ZRANB3: variants seen among roughly 807,000 people sequenced by gnomAD.
The protein encoded by ZRANB3 is DNA annealing helicase and endonuclease ZRANB3.
A neutral mutation model predicts 133.8 loss-of-function variants in ZRANB3; 125 were observed. That is an observed-to-expected ratio of 0.93 (90% CI 0.81 to 1.08). The LOEUF is 1.08. Among genes scored for constraint, ZRANB3 ranks in the 50% least tolerant of loss-of-function variants. ZRANB3 has a pLI of 0.00. For synonymous variants in ZRANB3, 387 were observed against 432.7 expected (o/e 0.89, Z 1.31); for missense variants, 1,229 against 1,275.5 (o/e 0.96, Z 0.56).
intron 2 of ZRANB3, among the ~76,000 whole-genome samples, chr2:135,458,257 C>T (rs1690612911): frequency 6.6e-6 from 1 of 152,026 alleles, no homozygotes; most frequent in Non-Finnish European, 1.5e-5. Context: ...TCTCTTTATG[C>T]CAGTACTTAT....
rs572403228 is a variant in ZRANB3, at chr2:135,244,377, G to A, written c.1540-13450C>T. On this transcript the variant is annotated intron_variant, in intron 12 of 20. Transcript: ENST00000264159. Reference sequence around the variant, plus strand: ...TCTCAGCACTTTGGGAGGCCAAGGCGGGCAGATCACTTGAGGTCAGGAGTT... The same window carrying A: ...TCTCAGCACTTTGGGAGGCCAAGGCAGGCAGATCACTTGAGGTCAGGAGTT... 2.1e-3 allele frequency among the ~76,000 whole-genome samples: 315 copies of A among 152,184 alleles called. 4 individuals carry two copies. The highest frequency in any genetic ancestry group is 3.7e-4 in the Non-Finnish European group (25 of 68,008).
chr2:135,402,294 T>C (rs953506916), intron 2 of ZRANB3, among the ~76,000 whole-genome samples: 2 of 142,124 alleles, frequency 1.4e-5, no homozygotes. Context: ...ATTCTTTCTC[T>C]CTTTTTTTTT....
intron 2 of ZRANB3, among the ~76,000 whole-genome samples, chr2:135,433,954 G>A (rs1335400095): frequency 1.3e-5 from 2 of 152,120 alleles, no homozygotes; most frequent in Admixed American, 6.5e-5. Flanking sequence ...TTGAGATAGC[G>A]CCACTGCACT....
intron 2 of ZRANB3, among the ~76,000 whole-genome samples, chr2:135,421,111 CT>C (rs1254057509): frequency 6.6e-6 from 1 of 152,104 alleles, no homozygotes; most frequent in Admixed American, 6.5e-5. Context: ...TGAAAAGCTG[CT>C]TTTTGAAGTC....
rs1363238190 is a variant in ZRANB3, at chr2:135,417,778, GC to G, written c.162-26959del. Among the ~76,000 whole-genome samples the G allele has an allele frequency of 2.0e-5, 3 of 152,294 alleles. No homozygotes were observed. The East Asian group carries it at 5.8e-4, about 29-fold the overall frequency. ...CATATACACCATGGAATACTATGCA[GC>G]CATAAAAAGTGATGAGTTCATGTCC... is the stretch of plus-strand genomic sequence containing the variant. On this transcript the variant is annotated intron_variant, in intron 2 of 20. Transcript: ENST00000264159.
intron 2 of ZRANB3, among the ~76,000 whole-genome samples, chr2:135,448,872 G>GA (rs762183119): frequency 1.3e-5 from 2 of 152,176 alleles, no homozygotes; most frequent in South Asian, 4.1e-4. Flanking sequence ...AAAAATGGCT[G>GA]CACCAATACT....
At chr2:135,330,085 C>A (rs1410834297) in intron 6 of ZRANB3, among the ~76,000 whole-genome samples, 1 of 152,126 alleles carries the variant, frequency 6.6e-6, no homozygotes, top group Non-Finnish European at 1.5e-5. Context: ...GAACTTCCAA[C>A]AATATGTTGA....
chr2:135,217,493 G>A lies in ZRANB3; in HGVS notation c.2467C>T (p.Gln823Ter), dbSNP rs751010365. The A allele has an allele frequency of 6.2e-7, 1 of 1,611,022 alleles. No individual in the cohort carries two copies. The highest frequency in any genetic ancestry group is 1.1e-5 in the South Asian group (1 of 89,968). ...PILALEEITK[Q>*]QTKQNCTKRY... Reference sequence around the variant, plus strand: ...TTGGTGCAATTTTGTTTGGTTTGTTGCTTTGTGATCTCTTCCAAAGCAAGA... The same window carrying A: ...TTGGTGCAATTTTGTTTGGTTTGTTACTTTGTGATCTCTTCCAAAGCAAGA... The change falls in exon 17 of 21, where the codon CAA becomes TAA. Residue 823 changes from glutamine to a stop codon, truncating the protein, a stop_gained. Transcript: ENST00000264159. LOFTEE classifies it high-confidence loss of function.
chr2:135,503,606 T>C (rs1204578327), intron 2 of ZRANB3, among the ~76,000 whole-genome samples: 1 of 152,112 alleles, frequency 6.6e-6, no homozygotes, highest in Non-Finnish European at 1.5e-5. Flanking sequence ...CAGACAGTAG[T>C]ATAAGGTACT....
chr2:135,438,645 C>T (rs891375616), intron 2 of ZRANB3, among the ~76,000 whole-genome samples: 2 of 152,212 alleles, frequency 1.3e-5, no homozygotes, highest in African/African-American at 4.8e-5. Context: ...CCCAATCCTA[C>T]TCCTGAAGAC....
At chr2:135,245,947 A>AAAAAAAAAAAAAAAAAAAAAG (rs1553461041) in intron 12 of ZRANB3, among the ~76,000 whole-genome samples, 1 of 145,382 alleles carries the variant, frequency 6.9e-6, no homozygotes, top group African/African-American at 2.6e-5. Context: ...AAAAAAAAAA[A>AAAAAAAAAAAAAAAAAAAAAG]AGAGACAGGG....
At position 135,362,066 on chromosome 2, in the gene ZRANB3, C is replaced by T. The variant is rs993129011; in HGVS notation, c.181-8438G>A. ...ACAAACAATTAGCCGGGCATGGTGG[C>T]GGACACCTGTAGTCCCAGCTACTCG... On this transcript the variant is annotated intron_variant, in intron 3 of 20. Transcript: ENST00000264159. 3.9e-5 allele frequency among the ~76,000 whole-genome samples: 6 copies of T among 151,968 alleles called. No individual in the cohort carries two copies. In the East Asian group the frequency reaches 9.7e-4, roughly 25 times the overall value.
At chr2:135,324,764 G>C (rs1683727421) in intron 6 of ZRANB3, among the ~76,000 whole-genome samples, 1 of 152,074 alleles carries the variant, frequency 6.6e-6, no homozygotes, top group Admixed American at 6.5e-5. Flanking sequence ...ACTTTTTAAT[G>C]ATCGCCATTC....
intron 3 of ZRANB3, 110 bp from the exon 4 acceptor site, chr2:135,353,738 T>G: frequency 2.7e-6 from 2 of 747,478 alleles, no homozygotes; most frequent in Non-Finnish European, 3.7e-6. Context: ...TGATGGCTCA[T>G]GACTGTAATC....
chr2:135,408,905 A>G (rs1441275793), intron 2 of ZRANB3, among the ~76,000 whole-genome samples: 1 of 152,178 alleles, frequency 6.6e-6, no homozygotes, highest in African/African-American at 2.4e-5. Flanking sequence ...CAGCACGCCA[A>G]CATGGCACAT....
At chr2:135,516,477 C>G (rs570234711) in intron 1 of ZRANB3, among the ~76,000 whole-genome samples, 15 of 152,298 alleles carry the variant, frequency 9.8e-5, no homozygotes, top group African/African-American at 3.6e-4. Context: ...GAGAAAATCT[C>G]TCAGCATTTG....
intron 8 of ZRANB3, among the ~76,000 whole-genome samples, chr2:135,294,478 TTC>T (rs1366744231): frequency 1.3e-5 from 2 of 152,202 alleles, no homozygotes; most frequent in Non-Finnish European, 2.9e-5. Flanking sequence ...TATTTGATTC[TTC>T]TCTCTTTTCT....
rs1187710818 is a variant in ZRANB3 at position 135,490,745 on chromosome 2, C to T, written c.161+13584G>A. Among the ~76,000 whole-genome samples the T allele has an allele frequency of 4.6e-5, 7 of 152,008 alleles. No homozygotes were observed. The East Asian group carries it at 7.7e-4, about 17-fold the overall frequency. On this transcript the variant is annotated intron_variant, in intron 2 of 20. Coordinates refer to ENST00000264159, the MANE Select transcript of ZRANB3 (RefSeq NM_032143.4). ...AATGTGTAATCAACTTAAATGCCCA[C>T]GAGTAGATAAATGGAAAAAGAAAAT...
At chr2:135,447,187 C>T (rs534837930) in intron 2 of ZRANB3, among the ~76,000 whole-genome samples, 8 of 152,176 alleles carry the variant, frequency 5.3e-5, no homozygotes, top group Admixed American at 1.3e-4. Flanking sequence ...ATTACAGGCG[C>T]GCCACCAAAC....
Sources: allele counts gnomAD v4.1 joint callset (sites outside exome capture counted in the v4.1 genomes callset), GRCh38; gene constraint gnomAD v4.1.1; transcripts MANE v1.5; gene names NCBI Gene and HGNC (gene_info 2026-07-23, HGNC 2026-07-21).